ATXN1: variants seen among roughly 807,000 people sequenced by gnomAD.
The protein encoded by ATXN1 is ataxin-1.
Under a neutral mutation model 56.4 loss-of-function variants are expected in ATXN1, and 8 were observed. That is an observed-to-expected ratio of 0.14 (90% CI 0.08 to 0.26). The LOEUF is 0.26. Ranked by LOEUF, ATXN1 falls within the 10% of genes least tolerant of loss-of-function variation. ATXN1 has a pLI of 1.00. For synonymous variants in ATXN1, 514 were observed against 494.6 expected (o/e 1.04, Z -0.52); for missense variants, 987 against 1,106.5 (o/e 0.89, Z 1.53).
At chr6:16,622,653 T>C (rs1763339108) in intron 3 of ATXN1, among the ~76,000 whole-genome samples, 1 of 152,222 alleles carries the variant, frequency 6.6e-6, no homozygotes, top group Non-Finnish European at 1.5e-5. Context: ...GTGTTCTGCA[T>C]GCATGATTTC....
intron 6 of ATXN1, among the ~76,000 whole-genome samples, chr6:16,349,028 T>A (rs1026933919): frequency 3.9e-5 from 6 of 152,208 alleles, no homozygotes; most frequent in Non-Finnish European, 8.8e-5. Context: ...ATCTCCAAAG[T>A]GGGAATAATA....
intron 5 of ATXN1, among the ~76,000 whole-genome samples, chr6:16,520,314 C>T (rs1761262233): frequency 6.6e-6 from 1 of 152,112 alleles, no homozygotes; most frequent in Non-Finnish European, 1.5e-5. Flanking sequence ...CTCATGGCTT[C>T]TATCTGTGTT....
intron 4 of ATXN1, among the ~76,000 whole-genome samples, chr6:16,560,816 TCA>T (rs1762102628): frequency 6.6e-6 from 1 of 152,192 alleles, no homozygotes; most frequent in Admixed American, 6.5e-5. Flanking sequence ...ATTTTTAGCA[TCA>T]CAGTCAATTT....
At chr6:16,330,081 C>A (rs1760944159) in intron 6 of ATXN1, among the ~76,000 whole-genome samples, 2 of 152,234 alleles carry the variant, frequency 1.3e-5, no homozygotes, top group African/African-American at 4.8e-5. Context: ...TTCTTTCTTT[C>A]TTTCTTTCTT....
At chr6:16,583,496 T>G (rs188418120) in intron 4 of ATXN1, among the ~76,000 whole-genome samples, 27 of 152,294 alleles carry the variant, frequency 1.8e-4, no homozygotes. Context: ...TCATCTACCT[T>G]CTCTTTCATT....
At chr6:16,462,914 C>T (rs572634907) in intron 6 of ATXN1, among the ~76,000 whole-genome samples, 1 of 152,286 alleles carries the variant, frequency 6.6e-6, no homozygotes, top group South Asian at 2.1e-4. Flanking sequence ...GCTTAACAAA[C>T]AGTCCAGGTT....
rs1760165060 is a variant in ATXN1 at position 16,303,515 on chromosome 6, G to C, written c.*2814C>G. ...AAAGGGAATGAGCTTTAACTATATA[G>C]CACACTGGTCAGACTCTATTGGCAC... On this transcript the variant is annotated 3_prime_UTR_variant, in exon 8 of 8. Coordinates refer to ENST00000436367, the MANE Select transcript of ATXN1 (RefSeq NM_001128164.2). The surrounding 1 kb of genome is among the most constrained non-coding windows in gnomAD (Gnocchi z 4.3). 1 of 152,672 alleles carries C rather than the reference G, an allele frequency of 6.5e-6. No individual in the cohort carries two copies. Among genetic ancestry groups the C allele is most frequent in the Non-Finnish European group, 1.5e-5 (1 of 68,074 alleles). The allele number at this position is 152,672 out of a possible 1,614,324, so 9.5% of individuals were successfully genotyped here. A position where few individuals can be genotyped will look rare whatever the true frequency, so the allele number is the denominator to read the frequency against.
At chr6:16,643,627 C>CCA (rs1763748662) in intron 3 of ATXN1, among the ~76,000 whole-genome samples, 1 of 63,198 alleles carries the variant, frequency 1.6e-5, no homozygotes, top group African/African-American at 5.2e-5. Context: ...GAGACCCTGC[C>CCA]AAAAAAAAAA....
chr6:16,604,336 A>C (rs1415193288), intron 3 of ATXN1, among the ~76,000 whole-genome samples: 4 of 149,868 alleles, frequency 2.7e-5, no homozygotes, highest in African/African-American at 2.4e-5. Flanking sequence ...AAAAAAAAAA[A>C]AAAAACAAAA....
intron 6 of ATXN1, among the ~76,000 whole-genome samples, chr6:16,421,808 G>T (rs1403362276): frequency 6.6e-6 from 1 of 152,178 alleles, no homozygotes; most frequent in Non-Finnish European, 1.5e-5. Flanking sequence ...ATGTGTGCAG[G>T]CGTGAGTGTG....
intron 2 of ATXN1, among the ~76,000 whole-genome samples, chr6:16,719,835 G>A (rs551029654): frequency 6.6e-6 from 1 of 152,270 alleles, no homozygotes; most frequent in South Asian, 2.1e-4. Flanking sequence ...GGAACGCCTG[G>A]AACCACCAGA....
chr6:16,319,530 C>T (rs1015768594), intron 7 of ATXN1, among the ~76,000 whole-genome samples: 7 of 152,106 alleles, frequency 4.6e-5, no homozygotes, highest in African/African-American at 1.7e-4. Context: ...GGATACATGA[C>T]ATCATAAATT....
intron 2 of ATXN1, among the ~76,000 whole-genome samples, chr6:16,731,735 T>A (rs1302126625): frequency 6.6e-6 from 1 of 152,086 alleles, no homozygotes; most frequent in Admixed American, 6.6e-5. Flanking sequence ...TATCTAATTG[T>A]ATTGCCGTTT....
chr6:16,608,427 T>C (rs1376660463), intron 3 of ATXN1, among the ~76,000 whole-genome samples: 1 of 152,186 alleles, frequency 6.6e-6, no homozygotes, highest in Non-Finnish European at 1.5e-5. Context: ...TACACTGTGT[T>C]TGGATGTGGG....
At chr6:16,540,494 G>C (rs1316990371) in intron 4 of ATXN1, among the ~76,000 whole-genome samples, 1 of 152,174 alleles carries the variant, frequency 6.6e-6, no homozygotes, top group Non-Finnish European at 1.5e-5. Context: ...TTACAGGCAT[G>C]AGCCACTGCG....
At chr6:16,474,824 ATGTG>A (rs1760292183) in intron 6 of ATXN1, among the ~76,000 whole-genome samples, 1 of 145,662 alleles carries the variant, frequency 6.9e-6, no homozygotes, top group Non-Finnish European at 1.5e-5. Context: ...CCTGTAGCAT[ATGTG>A]TGTGCATACA....
Position 16,300,340 on chromosome 6 carries a change from G to A in ATXN1, c.*5989C>T, listed in dbSNP as rs1315373318. ...ATTTGTATGCAAGTCATGGGGACAT[G>A]AAAAACTGAAGCCGGTGTTCCCTCC... On this transcript the variant is annotated 3_prime_UTR_variant, in exon 8 of 8. Transcript: ENST00000436367. The A allele has an allele frequency of 1.3e-5, 2 of 152,648 alleles. No homozygotes were observed. Among genetic ancestry groups the A allele is most frequent in the African/African-American group, 4.8e-5 (2 of 41,454 alleles). The allele number at this position is 152,648 out of a possible 1,614,324, so 9.5% of individuals were successfully genotyped here. A position where few individuals can be genotyped will look rare whatever the true frequency, so the allele number is the denominator to read the frequency against.
intron 6 of ATXN1, among the ~76,000 whole-genome samples, chr6:16,333,467 G>C (rs1761036634): frequency 6.6e-6 from 1 of 152,156 alleles, no homozygotes; most frequent in Non-Finnish European, 1.5e-5. Flanking sequence ...GTAAATAGCA[G>C]CCAACTGCTC....
intron 3 of ATXN1, among the ~76,000 whole-genome samples, chr6:16,595,956 A>G (rs767965137): frequency 6.6e-6 from 1 of 152,136 alleles, no homozygotes; most frequent in Non-Finnish European, 1.5e-5. Flanking sequence ...CAGGAGCGAG[A>G]GACTTTCCTT....
Sources: allele counts gnomAD v4.1 joint callset (sites outside exome capture counted in the v4.1 genomes callset), GRCh38; gene constraint gnomAD v4.1.1; non-coding constraint Gnocchi (gnomAD v3.1); transcripts MANE v1.5; gene names NCBI Gene and HGNC (gene_info 2026-07-23, HGNC 2026-07-21).